Variants in CSMD3 observed in about 807,000 individuals in gnomAD.
CSMD3 encodes the protein CUB and Sushi multiple domains 3.
In CSMD3, 177 loss-of-function variants were observed where a neutral mutation model predicts 435.2. The ratio of observed to expected loss-of-function variants is 0.41; its 90% confidence interval spans 0.36 to 0.46. The LOEUF (loss-of-function observed/expected upper bound fraction) is 0.46. Ranked by LOEUF, CSMD3 falls within the 20% of genes least tolerant of loss-of-function variation. The pLI is 0.34. For synonymous variants in CSMD3, 1,656 were observed against 1,520.5 expected (o/e 1.09, Z -2.07); for missense variants, 4,265 against 4,504.6 (o/e 0.95, Z 1.52).
intron 3 of CSMD3, among the ~76,000 whole-genome samples, chr8:113,226,781 C>G (rs529193566): frequency 6.6e-6 from 1 of 151,624 alleles, no homozygotes; most frequent in African/African-American, 2.4e-5. Flanking sequence ...GAAGCTGTTG[C>G]GGAAGTAATT....
intron 3 of CSMD3, among the ~76,000 whole-genome samples, chr8:113,270,701 C>A (rs1459337872): frequency 1.3e-5 from 2 of 152,040 alleles, no homozygotes; most frequent in Admixed American, 6.5e-5. Flanking sequence ...TGGAAACCAT[C>A]ACTCTCAGCA....
At chr8:112,428,493 A>G (rs1421760569) in intron 32 of CSMD3, among the ~76,000 whole-genome samples, 6 of 152,162 alleles carry the variant, frequency 3.9e-5, no homozygotes, top group Admixed American at 3.9e-4. Flanking sequence ...TTAATATCCA[A>G]TTATTCAACA....
chr8:113,360,522 TTAAG>T (rs2094266105), intron 1 of CSMD3, among the ~76,000 whole-genome samples: 1 of 151,678 alleles, frequency 6.6e-6, no homozygotes, highest in South Asian at 2.1e-4. Flanking sequence ...CACTATAAAC[TTAAG>T]TATTTATTAC....
intron 17 of CSMD3, among the ~76,000 whole-genome samples, chr8:112,657,960 A>G (rs2075294643): frequency 1.3e-5 from 2 of 152,216 alleles, no homozygotes; most frequent in Admixed American, 1.3e-4. Flanking sequence ...TGTTTTTGTC[A>G]ATGCTTTGCA....
At chr8:112,275,124 C>A (rs1455802544) in intron 59 of CSMD3, among the ~76,000 whole-genome samples, 3 of 151,922 alleles carry the variant, frequency 2.0e-5, no homozygotes, top group Admixed American at 6.6e-5. Context: ...CAAACCCTGG[C>A]ACACTCACTA....
chr8:113,128,131 T>C (rs2091187577), intron 4 of CSMD3, among the ~76,000 whole-genome samples: 2 of 152,114 alleles, frequency 1.3e-5, no homozygotes, highest in African/African-American at 4.8e-5. Flanking sequence ...TACAACAATT[T>C]GCAATTTTTG....
At chr8:112,566,312 GAAT>G (rs1253076084) in intron 24 of CSMD3, among the ~76,000 whole-genome samples, 1 of 151,894 alleles carries the variant, frequency 6.6e-6, no homozygotes, top group African/African-American at 2.4e-5. Flanking sequence ...TTCTCCCTGG[GAAT>G]AATAATATTA....
At chr8:112,931,042 AG>A (rs1427853242) in intron 9 of CSMD3, among the ~76,000 whole-genome samples, 3 of 152,080 alleles carry the variant, frequency 2.0e-5, no homozygotes, top group African/African-American at 4.8e-5. Context: ...AAAAATTTTG[AG>A]TAGAATAAAT....
chr8:112,337,764 T>C, intron 42 of CSMD3, 33 bp from the exon 43 acceptor site: 1 of 1,575,908 alleles, frequency 6.3e-7, no homozygotes, highest in Non-Finnish European at 8.7e-7. Context: ...CATTTTTTCT[T>C]TCCAAATTTC....
chr8:112,836,441 G>A (rs1475212606), intron 11 of CSMD3, among the ~76,000 whole-genome samples: 1 of 151,790 alleles, frequency 6.6e-6, no homozygotes, highest in Non-Finnish European at 1.5e-5. Context: ...TTCCTGAGAT[G>A]GGTCCTAATC....
intron 3 of CSMD3, among the ~76,000 whole-genome samples, chr8:113,186,628 G>A (rs902809492): frequency 1.3e-5 from 2 of 151,948 alleles, no homozygotes; most frequent in Admixed American, 1.3e-4. Context: ...CAGGTAGAAC[G>A]ACCCTGTATA....
chr8:112,410,745 G>C (rs1359654440), intron 32 of CSMD3, among the ~76,000 whole-genome samples: 1 of 142,180 alleles, frequency 7.0e-6, no homozygotes, highest in Non-Finnish European at 1.5e-5. Context: ...TTTGTTTTCT[G>C]TTTTTGCATT....
At chr8:112,279,784 T>G (rs1177774476) in intron 59 of CSMD3, among the ~76,000 whole-genome samples, 1 of 152,178 alleles carries the variant, frequency 6.6e-6, no homozygotes, top group African/African-American at 2.4e-5. Context: ...AGTTGTTGGT[T>G]CCTATCAATA....
At chr8:112,767,977 A>G (rs1369486823) in intron 13 of CSMD3, among the ~76,000 whole-genome samples, 1 of 151,764 alleles carries the variant, frequency 6.6e-6, no homozygotes, top group Non-Finnish European at 1.5e-5. Flanking sequence ...TCTGGGCCCA[A>G]TTTAGATGAA....
intron 13 of CSMD3, among the ~76,000 whole-genome samples, chr8:112,736,168 A>G (rs1049254216): frequency 5.3e-5 from 8 of 152,052 alleles, no homozygotes; most frequent in African/African-American, 9.7e-5. Flanking sequence ...GATTAGTTAA[A>G]TGCCAACTTC....
intron 2 of CSMD3, among the ~76,000 whole-genome samples, chr8:113,306,755 A>C (rs1354217903): frequency 6.6e-6 from 1 of 152,146 alleles, no homozygotes; most frequent in Non-Finnish European, 1.5e-5. Context: ...GAAGGAGAAA[A>C]GGTCTACTTG....
chr8:112,976,231 T>G, intron 6 of CSMD3, 83 bp from the exon 7 acceptor site: 6 of 1,447,256 alleles, frequency 4.1e-6, no homozygotes, highest in Non-Finnish European at 5.7e-6. Context: ...TCAATCATAT[T>G]CTCTTCTATT....
intron 4 of CSMD3, among the ~76,000 whole-genome samples, chr8:113,142,370 T>C (rs1269885759): frequency 2.0e-5 from 3 of 151,438 alleles, no homozygotes; most frequent in South Asian, 2.1e-4. Context: ...TTTCAAGTCA[T>C]GTGATATAGC....
chr8:112,757,068 C>A (rs1395732697), intron 13 of CSMD3, among the ~76,000 whole-genome samples: 1 of 152,010 alleles, frequency 6.6e-6, no homozygotes. Flanking sequence ...TGTGCCTGGC[C>A]CTCCCTTCTT....
Sources: gnomAD v4.1 joint callset for allele counts (sites outside exome capture counted in the v4.1 genomes callset) on GRCh38, gnomAD v4.1.1 for gene constraint, MANE v1.5 for transcripts, NCBI Gene and HGNC (gene_info 2026-07-23, HGNC 2026-07-21) for gene names.